Variants in NME7 observed in about 807,000 individuals in gnomAD.
NME7 encodes NME/NM23 family member 7, also known as nucleoside diphosphate kinase 7.
Under a neutral mutation model 49.1 loss-of-function variants are expected in NME7, and 41 were observed. The observed-to-expected ratio is 0.83, with a 90% confidence interval of 0.65 to 1.08. The LOEUF is 1.08. NME7 is among the 50% of genes least tolerant of loss of function. The pLI is 0.00. For synonymous variants in NME7, 139 were observed against 150.6 expected, an observed-to-expected ratio of 0.92 and a Z score of 0.56; for missense variants, 423 against 463.4, an observed-to-expected ratio of 0.91 and a Z score of 0.80.
At chr1:169,321,381 A>C (rs2101934730) in intron 3 of NME7, among the ~76,000 whole-genome samples, 1 of 152,296 alleles carries the variant, frequency 6.6e-6, no homozygotes, top group Admixed American at 6.5e-5. Flanking sequence ...TAATTAAATA[A>C]AATAAAGTAG....
intron 7 of NME7, among the ~76,000 whole-genome samples, chr1:169,254,011 G>GAAC (rs1648772553): frequency 2.6e-5 from 4 of 151,338 alleles, no homozygotes; most frequent in Admixed American, 2.0e-4. Flanking sequence ...CAACGATATT[G>GAAC]GTCTAAAATT....
At chr1:169,243,387 C>T (rs192461666) in intron 7 of NME7, among the ~76,000 whole-genome samples, 1 of 152,274 alleles carries the variant, frequency 6.6e-6, no homozygotes, top group Admixed American at 6.5e-5. Context: ...AAGGATAACA[C>T]AAATTTGGGG....
intron 10 of NME7, among the ~76,000 whole-genome samples, chr1:169,171,497 T>A (rs1028158523): frequency 2.6e-5 from 4 of 152,192 alleles, no homozygotes; most frequent in Admixed American, 6.5e-5. Context: ...GCGCGGTGGA[T>A]CATGCCTGTA....
At chr1:169,344,597 G>A (rs1463237548) in intron 1 of NME7, among the ~76,000 whole-genome samples, 1 of 152,016 alleles carries the variant, frequency 6.6e-6, no homozygotes, top group Non-Finnish European at 1.5e-5. Flanking sequence ...ATTTGATTTT[G>A]TAAAGTGTTT....
At chr1:169,311,341 C>A (rs113298876) in intron 3 of NME7, among the ~76,000 whole-genome samples, 7,140 of 148,102 alleles carry the variant, frequency 0.048, 222 homozygotes, top group East Asian at 0.12. Flanking sequence ...ATGATGTGAA[C>A]CCGGGGGTCG....
intron 6 of NME7, among the ~76,000 whole-genome samples, chr1:169,288,627 A>G (rs140023797): frequency 6.6e-6 from 1 of 152,338 alleles, no homozygotes; most frequent in Non-Finnish European, 1.5e-5. Flanking sequence ...TTTAAACACA[A>G]GGATGATGAG....
intron 1 of NME7, among the ~76,000 whole-genome samples, chr1:169,329,594 T>C (rs1338308306): frequency 6.6e-6 from 1 of 151,572 alleles, no homozygotes; most frequent in African/African-American, 2.4e-5. Context: ...GCAGAATTGA[T>C]CAAGCAGAAG....
intron 8 of NME7, among the ~76,000 whole-genome samples, chr1:169,236,093 C>T (rs181321746): frequency 1.3e-5 from 2 of 152,174 alleles, no homozygotes; most frequent in East Asian, 3.9e-4. Flanking sequence ...GGCAACATTA[C>T]TACCATAGGG....
chr1:169,298,691 T>A lies in NME7; in HGVS notation c.513A>T (p.Glu171Asp). 1.2e-6 allele frequency: 2 copies of A among 1,613,924 alleles called. No homozygotes were observed. Among genetic ancestry groups the A allele is most frequent in the Non-Finnish European group, 1.7e-6 (2 of 1,179,916 alleles). ...TTGCAGGTCCCAGCAGTCTTTTCCATTCACATATAGCATCATCTCTTAAAA... is the reference window on the plus strand; with the variant it reads ...TTGCAGGTCCCAGCAGTCTTTTCCAATCACATATAGCATCATCTCTTAAAA... ...MEILRDDAIC[E>D]WKRLLGPANS... The change falls in exon 6 of 12, where the codon GAA (glutamate) becomes GAT (aspartate). Residue 171 changes from glutamate to aspartate, a missense_variant. Transcript: ENST00000367811.
rs372329539 is a variant in NME7, at chr1:169,174,261, T to C, written c.991-4707A>G. Among the ~76,000 whole-genome samples the C allele has an allele frequency of 7.2e-5, 11 of 152,232 alleles. No homozygotes were observed. In the East Asian group the frequency reaches 1.9e-3, roughly 27 times the overall value. ...TAATTATTCTATGGCTGTGTTATTG[T>C]AAAGAATGTCACTGTTTATTGAATA... On this transcript the variant is annotated intron_variant, in intron 10 of 11. Coordinates refer to ENST00000367811, the MANE Select transcript of NME7 (RefSeq NM_013330.5).
At chr1:169,278,034 T>C (rs1469765860) in intron 7 of NME7, among the ~76,000 whole-genome samples, 4 of 151,778 alleles carry the variant, frequency 2.6e-5, no homozygotes, top group Non-Finnish European at 4.4e-5. Context: ...TTCTGACTTG[T>C]AGAGTTTCTG....
intron 10 of NME7, among the ~76,000 whole-genome samples, chr1:169,211,633 A>C (rs1227687465): frequency 6.6e-6 from 1 of 152,144 alleles, no homozygotes; most frequent in African/African-American, 2.4e-5. Flanking sequence ...CATGTAATAA[A>C]ACAATATGAT....
intron 10 of NME7, among the ~76,000 whole-genome samples, chr1:169,225,859 A>G (rs571189645): frequency 6.6e-6 from 1 of 152,238 alleles, no homozygotes; most frequent in Non-Finnish European, 1.5e-5. Flanking sequence ...GTCAATCTGC[A>G]ACATATATAG....
chr1:169,186,754 C>G (rs1466370083), intron 10 of NME7, among the ~76,000 whole-genome samples: 1 of 152,112 alleles, frequency 6.6e-6, no homozygotes, highest in Non-Finnish European at 1.5e-5. Context: ...GTCTCTATCT[C>G]TTTCAGTTCT....
At chr1:169,295,428 G>A (rs1650672198) in intron 6 of NME7, among the ~76,000 whole-genome samples, 1 of 152,120 alleles carries the variant, frequency 6.6e-6, no homozygotes, top group African/African-American at 2.4e-5. Flanking sequence ...TTTCAGTTCA[G>A]CCTCAATTAT....
intron 10 of NME7, among the ~76,000 whole-genome samples, chr1:169,189,321 T>A (rs1015654376): frequency 6.6e-6 from 1 of 152,182 alleles, no homozygotes; most frequent in Non-Finnish European, 1.5e-5. Context: ...AAACAATGAA[T>A]GTTTAATAAT....
intron 4 of NME7, among the ~76,000 whole-genome samples, chr1:169,306,434 C>T (rs941376479): frequency 3.9e-5 from 6 of 152,046 alleles, no homozygotes; most frequent in African/African-American, 7.2e-5. Context: ...TATGTTGATA[C>T]GTTGAAAGCC....
intron 7 of NME7, among the ~76,000 whole-genome samples, chr1:169,272,104 T>C (rs1649511278): frequency 7.6e-6 from 1 of 132,160 alleles, no homozygotes; most frequent in South Asian, 2.3e-4. Context: ...CTTAATTAAG[T>C]TATATGACCT....
rs751519441 is a variant in NME7 at position 169,303,139 on chromosome 1, A to G, written c.440+6T>C. On this transcript the variant is annotated splice_donor_region_variant and intron_variant, in intron 5 of 11. Transcript: ENST00000367811. Reference sequence around the variant, plus strand: ...CATACCACTAATCCCCAAATTAAGGACCTACTTGAAAAAGGGTCTTGACTG... The same window carrying G: ...CATACCACTAATCCCCAAATTAAGGGCCTACTTGAAAAAGGGTCTTGACTG... 15 of 1,561,084 alleles carry G rather than the reference A, an allele frequency of 9.6e-6. No individual in the cohort carries two copies. The Admixed American group carries it at 1.8e-4, about 19-fold the overall frequency.
Sources: allele counts gnomAD v4.1 joint callset (sites outside exome capture counted in the v4.1 genomes callset), GRCh38; gene constraint gnomAD v4.1.1; transcripts MANE v1.5; gene names NCBI Gene and HGNC (gene_info 2026-07-23, HGNC 2026-07-21).